PTPRR: variants seen among roughly 807,000 people sequenced by gnomAD.
The protein encoded by PTPRR is protein tyrosine phosphatase receptor type R.
PTPRR carries 38 observed loss-of-function variants against 77.2 expected under a neutral mutation model. The observed-to-expected ratio is 0.49, with a 90% CI of 0.38 to 0.65. The LOEUF is 0.65. Among genes scored for constraint, PTPRR ranks in the 30% least tolerant of loss-of-function variants. The pLI is 0.00. For synonymous variants in PTPRR, 299 were observed against 283.1 expected, an observed-to-expected ratio of 1.06 and a Z score of -0.57; for missense variants, 744 against 799.2, an observed-to-expected ratio of 0.93 and a Z score of 0.83.
intron 1 of PTPRR, among the ~76,000 whole-genome samples, chr12:70,910,606 T>G (rs1279325360): frequency 1.3e-5 from 2 of 152,138 alleles, no homozygotes; most frequent in Non-Finnish European, 2.9e-5. Context: ...ATGCTCAGAT[T>G]TAGGAGTTAC....
At chr12:70,797,546 C>T (rs906940029) in intron 2 of PTPRR, among the ~76,000 whole-genome samples, 5 of 152,186 alleles carry the variant, frequency 3.3e-5, no homozygotes, top group African/African-American at 7.2e-5. Flanking sequence ...TCTGCCTCAT[C>T]ATCATCTCTA....
chr12:70,839,861 C>G (rs758820656), intron 2 of PTPRR, among the ~76,000 whole-genome samples: 1 of 152,150 alleles, frequency 6.6e-6, no homozygotes, highest in Non-Finnish European at 1.5e-5. Flanking sequence ...CCAGATAAAA[C>G]TACTAGTCGT....
Position 70,819,085 on chromosome 12 carries a change from C to T in PTPRR, c.358-54307G>A, listed in dbSNP as rs139156047. Among the ~76,000 whole-genome samples the T allele has an allele frequency of 2.4e-3, 362 of 152,284 alleles. 2 individuals are homozygous for T. The highest frequency in any genetic ancestry group is 8.1e-3 in the African/African-American group (337 of 41,574). On this transcript the variant is annotated intron_variant, in intron 2 of 13. Coordinates refer to ENST00000283228, the MANE Select transcript of PTPRR (RefSeq NM_002849.4). ...CCTGTAATCCCGGCATTTTGGGAGG[C>T]CAAGGCAGGCAGATCACTTGAGATC...
intron 2 of PTPRR, among the ~76,000 whole-genome samples, chr12:70,834,985 C>G (rs1208589065): frequency 6.6e-6 from 1 of 151,906 alleles, no homozygotes; most frequent in Admixed American, 6.6e-5. Context: ...TGATACTTAC[C>G]CCTTCTTACA....
At chr12:70,763,739 A>G (rs924632592) in intron 3 of PTPRR, among the ~76,000 whole-genome samples, 11 of 152,208 alleles carry the variant, frequency 7.2e-5, no homozygotes, top group African/African-American at 2.4e-4. Flanking sequence ...TGCAGTGGAC[A>G]TTAAGAGCAA....
chr12:70,792,639 G>T (rs1046096476), intron 2 of PTPRR, among the ~76,000 whole-genome samples: 1 of 151,874 alleles, frequency 6.6e-6, no homozygotes, highest in African/African-American at 2.4e-5. Context: ...TTCTCATATA[G>T]GGGATAGGTA....
intron 2 of PTPRR, among the ~76,000 whole-genome samples, chr12:70,878,066 G>A (rs1893082850): frequency 6.6e-6 from 1 of 152,116 alleles, no homozygotes; most frequent in East Asian, 1.9e-4. Context: ...GCTGAAACTC[G>A]ATCCCTTCCT....
chr12:70,787,002 CA>C (rs1565697024), intron 2 of PTPRR, among the ~76,000 whole-genome samples: 1 of 152,116 alleles, frequency 6.6e-6, no homozygotes, highest in South Asian at 2.1e-4. Flanking sequence ...GGAAAAATAA[CA>C]ATAAGCATAT....
chr12:70,901,157 A>G (rs1341550104), intron 1 of PTPRR, among the ~76,000 whole-genome samples: 1 of 151,432 alleles, frequency 6.6e-6, no homozygotes, highest in Non-Finnish European at 1.5e-5. Flanking sequence ...TGAATTAGGG[A>G]TCCTCAACCT....
chr12:70,777,317 T>C (rs1891112392), intron 2 of PTPRR, among the ~76,000 whole-genome samples: 1 of 152,052 alleles, frequency 6.6e-6, no homozygotes, highest in South Asian at 2.1e-4. Flanking sequence ...TCTTCCTTGG[T>C]TTTCTGTCTT....
chr12:70,876,828 CA>C (rs1430209413), intron 2 of PTPRR, among the ~76,000 whole-genome samples: 1 of 151,716 alleles, frequency 6.6e-6, no homozygotes, highest in Non-Finnish European at 1.5e-5. Flanking sequence ...TTATTTAATT[CA>C]AAAAAAATTT....
intron 1 of PTPRR, among the ~76,000 whole-genome samples, chr12:70,914,780 A>G (rs1393102019): frequency 6.6e-6 from 1 of 152,116 alleles, no homozygotes; most frequent in Non-Finnish European, 1.5e-5. Context: ...CCATGATTGC[A>G]CCACTGCACT....
chr12:70,761,158 C>T (rs866677524), intron 4 of PTPRR, among the ~76,000 whole-genome samples: 5 of 152,096 alleles, frequency 3.3e-5, no homozygotes, highest in South Asian at 2.1e-4. Flanking sequence ...CAGTTTCAAG[C>T]GATCAATTGA....
intron 6 of PTPRR, among the ~76,000 whole-genome samples, chr12:70,704,251 G>C (rs953216628): frequency 6.6e-6 from 1 of 151,832 alleles, no homozygotes; most frequent in Non-Finnish European, 1.5e-5. Flanking sequence ...GCAAGACCCT[G>C]TCTCTACAAA....
chr12:70,872,826 A>T (rs1892985552), intron 2 of PTPRR, among the ~76,000 whole-genome samples: 1 of 152,062 alleles, frequency 6.6e-6, no homozygotes, highest in South Asian at 2.1e-4. Flanking sequence ...CATAGACAGT[A>T]ACTCAGTAAA....
chr12:70,773,044 T>TA (rs564113214), intron 2 of PTPRR, among the ~76,000 whole-genome samples: 171 of 152,218 alleles, frequency 1.1e-3, no homozygotes, highest in African/African-American at 3.9e-3. Context: ...ATTCCTTGGA[T>TA]TACAGATATA....
intron 2 of PTPRR, among the ~76,000 whole-genome samples, chr12:70,867,639 C>T (rs1442930790): frequency 4.0e-5 from 6 of 151,796 alleles, no homozygotes; most frequent in Admixed American, 2.6e-4. Context: ...TCAATGCCAT[C>T]CCCATCAAGC....
intron 2 of PTPRR, among the ~76,000 whole-genome samples, chr12:70,819,036 G>T (rs1449116998): frequency 2.6e-5 from 4 of 152,154 alleles, no homozygotes; most frequent in Non-Finnish European, 5.9e-5. Flanking sequence ...AAAATAAAGA[G>T]AAGGTCAGGT....
At chr12:70,708,664 T>C (rs1230368810) in intron 6 of PTPRR, among the ~76,000 whole-genome samples, 2 of 152,050 alleles carry the variant, frequency 1.3e-5, no homozygotes, top group Non-Finnish European at 2.9e-5. Flanking sequence ...GTAGTTCTAT[T>C]TTTAGTTCCT....
Sources: allele counts gnomAD v4.1 joint callset (sites outside exome capture counted in the v4.1 genomes callset), GRCh38; gene constraint gnomAD v4.1.1; transcripts MANE v1.5; gene names NCBI Gene and HGNC (gene_info 2026-07-23, HGNC 2026-07-21).